PUM1: variants seen among roughly 807,000 people sequenced by gnomAD.
PUM1 encodes pumilio homolog 1.
Under a neutral mutation model 131.8 loss-of-function variants are expected in PUM1, and 13 were observed. The observed-to-expected ratio is 0.10, with a 90% confidence interval of 0.06 to 0.16. The LOEUF is 0.16. PUM1 is among the 10% of genes least tolerant of loss of function. The probability of loss-of-function intolerance (pLI) is 1.00; values close to 1 mark genes in which losing one functional copy is unlikely to be tolerated. For synonymous variants in PUM1, 509 were observed against 556.5 expected (o/e 0.91, Z 1.20); for missense variants, 961 against 1,512.4 (o/e 0.64, Z 6.05).
intron 2 of PUM1, among the ~76,000 whole-genome samples, chr1:31,038,982 ATAT>A (rs1388155191): frequency 3.1e-3 from 86 of 27,974 alleles, no homozygotes; most frequent in Middle Eastern, 0.016. Flanking sequence ...ATATATATAT[ATAT>A]TTTTTTTTTT....
intron 7 of PUM1, among the ~76,000 whole-genome samples, chr1:30,987,690 T>C (rs950893764): frequency 5.9e-5 from 9 of 152,142 alleles, no homozygotes; most frequent in African/African-American, 1.7e-4. Context: ...ATTTTAGAAA[T>C]AACAACGAGC....
chr1:31,046,321 G>A (rs1440129982), intron 2 of PUM1, among the ~76,000 whole-genome samples: 5 of 152,012 alleles, frequency 3.3e-5, no homozygotes, highest in African/African-American at 1.2e-4. Flanking sequence ...GGGAGGTGGA[G>A]GTTGCGGTGA....
intron 2 of PUM1, among the ~76,000 whole-genome samples, chr1:31,042,326 A>G (rs986833236): frequency 9.9e-5 from 15 of 151,284 alleles, no homozygotes; most frequent in African/African-American, 3.6e-4. Flanking sequence ...AAATAAATAA[A>G]TAAATAAATA....
chr1:31,012,552 T>TA (rs10666570), intron 3 of PUM1, among the ~76,000 whole-genome samples: 53,292 of 118,930 alleles, frequency 0.45, 12,421 homozygotes, highest in Admixed American at 0.57. Context: ...TTATGAAAAG[T>TA]AAAAAAAAAA....
intron 14 of PUM1, among the ~76,000 whole-genome samples, chr1:30,955,196 C>T (rs970529587): frequency 6.6e-6 from 1 of 151,728 alleles, no homozygotes; most frequent in African/African-American, 2.4e-5. Context: ...TGGCTCATGC[C>T]TGTAATCCTG....
chr1:30,991,649 G>A (rs904613717), intron 7 of PUM1, among the ~76,000 whole-genome samples: 1 of 152,132 alleles, frequency 6.6e-6, no homozygotes, highest in African/African-American at 2.4e-5. Context: ...CGCCACAAGG[G>A]AGAACTTAAC....
At position 30,969,165 on chromosome 1, in the gene PUM1, G is replaced by A. The variant is rs566565867; in HGVS notation, c.1507-673C>T. ...CTAAAACTACAAAAATTAGCCAGGCGTGGCAGCAGGTGCCTATAATCCCAG... is the reference window on the plus strand; with the variant it reads ...CTAAAACTACAAAAATTAGCCAGGCATGGCAGCAGGTGCCTATAATCCCAG... On this transcript the variant is annotated intron_variant, in intron 10 of 21. Coordinates refer to ENST00000426105, the MANE Select transcript of PUM1 (RefSeq NM_001020658.2). Among the ~76,000 whole-genome samples, 13 of 152,038 alleles carry A rather than the reference G, an allele frequency of 8.6e-5. No homozygotes were observed. In the South Asian group the frequency reaches 1.9e-3, roughly 22 times the overall value.
chr1:31,033,900 A>G (rs1643521688), intron 2 of PUM1, among the ~76,000 whole-genome samples: 1 of 152,156 alleles, frequency 6.6e-6, no homozygotes, highest in South Asian at 2.1e-4. Flanking sequence ...CCCGCCTTCT[A>G]AAGTGCTGGG....
intron 3 of PUM1, among the ~76,000 whole-genome samples, chr1:31,020,162 G>T (rs2124532622): frequency 6.6e-6 from 1 of 152,218 alleles, no homozygotes; most frequent in Admixed American, 6.5e-5. Flanking sequence ...AGAACATGTG[G>T]TATTTGGATT....
chr1:31,040,944 A>G (rs951348267), intron 2 of PUM1, among the ~76,000 whole-genome samples: 1 of 152,212 alleles, frequency 6.6e-6, no homozygotes, highest in Non-Finnish European at 1.5e-5. Context: ...TGGCAGTGGC[A>G]CAGACAATGG....
chr1:30,953,573 G>A, intron 15 of PUM1, 141 bp downstream of exon 15: 1 of 881,884 alleles, frequency 1.1e-6, no homozygotes, highest in East Asian at 2.4e-5. Context: ...AAATCCCTAT[G>A]AAATAATGTG....
chr1:30,954,926 G>A (rs1640087161), intron 14 of PUM1, among the ~76,000 whole-genome samples: 1 of 151,836 alleles, frequency 6.6e-6, no homozygotes, highest in Admixed American at 6.6e-5. Flanking sequence ...AAAATTAGCT[G>A]GGTGTGGTGA....
chr1:31,010,976 G>A (rs187997118), intron 3 of PUM1, among the ~76,000 whole-genome samples: 14 of 152,210 alleles, frequency 9.2e-5, no homozygotes, highest in Admixed American at 3.9e-4. Flanking sequence ...CCAACATAGC[G>A]AGACTCTAGC....
chr1:30,983,039 AACTGAATCT>A (rs1188256023), intron 7 of PUM1, among the ~76,000 whole-genome samples: 6 of 152,352 alleles, frequency 3.9e-5, no homozygotes, highest in Admixed American at 1.3e-4. Context: ...GAAATAGGGG[AACTGAATCT>A]ACTGACAGAC....
intron 20 of PUM1, among the ~76,000 whole-genome samples, chr1:30,938,905 AGAC>A (rs1639329956): frequency 2.1e-5 from 1 of 47,316 alleles, no homozygotes; most frequent in African/African-American, 4.5e-5. Context: ...ATAGATAGAT[AGAC>A]AGACAGACAG....
intron 15 of PUM1, among the ~76,000 whole-genome samples, chr1:30,952,698 A>AGGGGGGGGGGGGGGGGGGGGGGG (rs1639995190): frequency 2.0e-4 from 1 of 4,882 alleles, no homozygotes; most frequent in Non-Finnish European, 3.9e-4. Context: ...GGGGGGCGGG[A>AGGGGGGGGGGGGGGGGGGGGGGG]GGGGCAGGGG....
Position 30,995,074 on chromosome 1 carries a change from A to G in PUM1, c.867T>C (p.Asp289=). The change falls in exon 6 of 22, where the codon GAT becomes GAC. Residue 289 remains aspartate (D), a synonymous_variant. Transcript: ENST00000426105. ...CAAACCTAAAATCTTTGACGTCTGCATCAATCCCATTCTGCACTGGTAAAC... is the reference window on the plus strand; with the variant it reads ...CAAACCTAAAATCTTTGACGTCTGCGTCAATCCCATTCTGCACTGGTAAAC... ...TNGLPVQNGI[D]ADVKDFSRTP... 1 of 1,614,144 alleles carries G rather than the reference A, an allele frequency of 6.2e-7. No homozygotes were observed. The highest frequency in any genetic ancestry group is 8.5e-7 in the Non-Finnish European group (1 of 1,179,972).
chr1:31,014,584 T>C (rs1642744168), intron 3 of PUM1, among the ~76,000 whole-genome samples: 3 of 151,928 alleles, frequency 2.0e-5, no homozygotes, highest in Admixed American at 6.6e-5. Context: ...GGTCAGGAGT[T>C]CAAGACCAGC....
At chr1:30,987,795 T>C (rs913944191) in intron 7 of PUM1, among the ~76,000 whole-genome samples, 7 of 152,244 alleles carry the variant, frequency 4.6e-5, no homozygotes, top group Non-Finnish European at 8.8e-5. Flanking sequence ...CATGCACATT[T>C]ACCTGAAATT....
Sources: gnomAD v4.1 joint callset for allele counts (sites outside exome capture counted in the v4.1 genomes callset) on GRCh38, gnomAD v4.1.1 for gene constraint, MANE v1.5 for transcripts, NCBI Gene and HGNC (gene_info 2026-07-23, HGNC 2026-07-21) for gene names.